The following ZFHX3 variants were observed in gnomAD, a reference collection of about 807,000 sequenced individuals.
ZFHX3 encodes the protein zinc finger homeobox 3, also known as zinc finger homeobox protein 3.
ZFHX3 carries 42 observed loss-of-function variants against 279.1 expected under a neutral mutation model. The ratio of observed to expected loss-of-function variants is 0.15; its 90% CI spans 0.12 to 0.19. The LOEUF is 0.19. ZFHX3 is among the 10% of genes least tolerant of loss of function. The probability of loss-of-function intolerance (pLI) is 1.00; values close to 1 mark genes in which losing one functional copy is unlikely to be tolerated. For missense variants in ZFHX3, 4,981 were observed against 4,754.0 expected (o/e 1.05, Z -1.40); for synonymous variants, 2,293 against 1,957.8 (o/e 1.17, Z -4.52).
chr16:73,027,970 G>A (rs1003777112), intron 1 of ZFHX3, among the ~76,000 whole-genome samples: 7 of 152,082 alleles, frequency 4.6e-5, no homozygotes, highest in Non-Finnish European at 7.4e-5. Context: ...TCACAGAGCC[G>A]GGCCTTCCCA....
chr16:73,055,671 C>CAGTGA (rs1965531077), intron 1 of ZFHX3, among the ~76,000 whole-genome samples: 1 of 147,568 alleles, frequency 6.8e-6, no homozygotes, highest in Admixed American at 6.9e-5. Flanking sequence ...CCACACGGTG[C>CAGTGA]AGACGTACGC....
At chr16:73,263,770 C>T (rs1361036708) in intron 4 of ZFHX3, among the ~76,000 whole-genome samples, 1 of 152,178 alleles carries the variant, frequency 6.6e-6, no homozygotes. Flanking sequence ...ACTGGGTATG[C>T]CAACTACACT....
chr16:73,542,788 T>A (rs1471678684), intron 2 of ZFHX3, among the ~76,000 whole-genome samples: 1 of 151,808 alleles, frequency 6.6e-6, no homozygotes, highest in African/African-American at 2.4e-5. Flanking sequence ...AAAAAAAATA[T>A]CATGTATCTG....
intron 2 of ZFHX3, among the ~76,000 whole-genome samples, chr16:73,638,871 A>G (rs1267999744): frequency 6.6e-6 from 1 of 152,218 alleles, no homozygotes. Flanking sequence ...ACACTAGTCT[A>G]AAAATGAAGG....
intron 3 of ZFHX3, among the ~76,000 whole-genome samples, chr16:72,899,065 G>C (rs183057372): frequency 2.2e-4 from 33 of 152,272 alleles, no homozygotes; most frequent in African/African-American, 7.9e-4. Context: ...TCTTCACTAG[G>C]ATATCATATC....
intron 4 of ZFHX3, among the ~76,000 whole-genome samples, chr16:73,285,423 G>T (rs972440531): frequency 6.6e-6 from 1 of 152,190 alleles, no homozygotes; most frequent in East Asian, 1.9e-4. Flanking sequence ...AATCCAAAGG[G>T]TGTCGTCAGC....
chr16:73,579,071 A>G (rs1166521546), intron 2 of ZFHX3, among the ~76,000 whole-genome samples: 1 of 152,202 alleles, frequency 6.6e-6, no homozygotes, highest in Non-Finnish European at 1.5e-5. Context: ...ATTCTCTCTG[A>G]AGCCCGCACC....
In ZFHX3 at chr16:72,787,051, T is replaced by G. The variant is rs1190128011; in HGVS notation, c.*113A>C. On this transcript the variant is annotated 3_prime_UTR_variant, in exon 10 of 10. Coordinates refer to ENST00000268489, the MANE Select transcript of ZFHX3 (RefSeq NM_006885.4). ...TTTTCTTTTTTTTCTTTTTTTTTTT[T>G]TTTTTGTTTTTTGGTTAGAAGCTTT... 6.8e-6 allele frequency: 7 copies of G among 1,035,808 alleles called. No homozygotes were observed. The highest frequency in any genetic ancestry group is 4.3e-5 in the Admixed American group (1 of 23,116). 64.2% of individuals were successfully genotyped at this position (1,035,808 alleles called of 1,614,324 possible).
chr16:73,664,195 G>A lies in ZFHX3; in HGVS notation c.-1547+15985C>T, dbSNP rs540497575. 1.1e-4 allele frequency among the ~76,000 whole-genome samples: 17 copies of A among 151,152 alleles called. No homozygotes were observed. In the East Asian group the frequency reaches 3.3e-3, roughly 29 times the overall value. ...TCACCTAGGAGGGCAACGTAACTTT[G>A]CCAAACAGTATTGCTGACCTTTTTC... On this transcript the variant is annotated intron_variant, in intron 2 of 17. Transcript: ENST00000641206.
chr16:73,705,468 G>A (rs551082899), intron 1 of ZFHX3, among the ~76,000 whole-genome samples: 17 of 152,320 alleles, frequency 1.1e-4, no homozygotes, highest in Admixed American at 2.0e-4. Flanking sequence ...CTGCAAAGGC[G>A]AGAAGAAATG....
At chr16:72,821,233 G>GT (rs1334099185) in intron 5 of ZFHX3, among the ~76,000 whole-genome samples, 1 of 152,120 alleles carries the variant, frequency 6.6e-6, no homozygotes, top group African/African-American at 2.4e-5. Flanking sequence ...ACAGGAAAAT[G>GT]TGAGAACTTA....
chr16:73,885,844 C>T (rs1597158448), intron 1 of ZFHX3, among the ~76,000 whole-genome samples: 1 of 152,164 alleles, frequency 6.6e-6, no homozygotes, highest in East Asian at 1.9e-4. Context: ...GTCACTTTCA[C>T]TCCCAGACCC....
chr16:73,602,978 C>G (rs1420724175), intron 2 of ZFHX3, among the ~76,000 whole-genome samples: 2 of 147,492 alleles, frequency 1.4e-5, no homozygotes, highest in Non-Finnish European at 3.0e-5. Flanking sequence ...TTAAGATATC[C>G]TGCAAGTCAA....
intron 1 of ZFHX3, chr16:72,973,303 T>G (rs1490411604): frequency 1.3e-5 from 2 of 152,162 alleles, no homozygotes; most frequent in Non-Finnish European, 2.9e-5. Context: ...TTCATCCCCA[T>G]CCTTCCCCAT....
intron 4 of ZFHX3, among the ~76,000 whole-genome samples, chr16:73,284,152 A>G (rs1484498171): frequency 6.6e-6 from 1 of 151,970 alleles, no homozygotes; most frequent in Non-Finnish European, 1.5e-5. Flanking sequence ...CCCCACCTCT[A>G]CTAAAAATAC....
At position 72,798,732 on chromosome 16, in the gene ZFHX3, A is replaced by AG; in HGVS notation, c.3968-19_3968-18insC. The AG allele has an allele frequency of 6.6e-7, 1 of 1,520,258 alleles. No individual in the cohort carries two copies. Among genetic ancestry groups the AG allele is most frequent in the Non-Finnish European group, 8.8e-7 (1 of 1,142,444 alleles). 94.2% of individuals were successfully genotyped at this position (1,520,258 alleles called of 1,614,324 possible). A position where few individuals can be genotyped will look rare whatever the true frequency, so the allele number is the denominator to read the frequency against. Reference sequence around the variant, plus strand: ...TGAGGTTTCTGTTAAAAAAAAAAAAAAAATCAAACCCAAAGATAAAGAAGG... The same window carrying AG: ...TGAGGTTTCTGTTAAAAAAAAAAAAAGAAATCAAACCCAAAGATAAAGAAGG... On this transcript the variant is annotated intron_variant, in intron 8 of 9. Coordinates refer to ENST00000268489, the MANE Select transcript of ZFHX3 (RefSeq NM_006885.4).
intron 1 of ZFHX3, among the ~76,000 whole-genome samples, chr16:73,681,493 C>T (rs140290058): frequency 1.3e-5 from 2 of 152,228 alleles, no homozygotes; most frequent in East Asian, 1.9e-4. Context: ...GGGGAGAAAG[C>T]CGAGAGATAA....
chr16:72,885,683 G>A (rs16971366), intron 4 of ZFHX3, among the ~76,000 whole-genome samples: 39 of 152,246 alleles, frequency 2.6e-4, no homozygotes, highest in African/African-American at 9.4e-4. Context: ...ATGAGGTCCA[G>A]AACTCAGAAA....
chr16:73,190,050 C>T (rs1257160917), intron 5 of ZFHX3, among the ~76,000 whole-genome samples: 1 of 152,250 alleles, frequency 6.6e-6, no homozygotes, highest in Admixed American at 6.5e-5. Flanking sequence ...AAGTGCTCAG[C>T]GTCAGTGGTG....
Sources: gnomAD v4.1 joint callset for allele counts (sites outside exome capture counted in the v4.1 genomes callset) on GRCh38, gnomAD v4.1.1 for gene constraint, MANE v1.5 for transcripts, NCBI Gene and HGNC (gene_info 2026-07-23, HGNC 2026-07-21) for gene names.